The following ROBO2 variants were observed in gnomAD, a reference collection of about 807,000 sequenced individuals.
ROBO2 encodes roundabout guidance receptor 2, also known as roundabout homolog 2.
Under a neutral mutation model 160.8 loss-of-function variants are expected in ROBO2, and 53 were observed. The ratio of observed to expected loss-of-function variants is 0.33; its 90% CI spans 0.26 to 0.41. The LOEUF (loss-of-function observed/expected upper bound fraction) is 0.41, where lower values mean the gene tolerates loss of function less well. Among genes scored for constraint, ROBO2 ranks in the 10% least tolerant of loss-of-function variants. The pLI is 1.00. For missense variants in ROBO2, 1,577 were observed against 1,722.4 expected, an observed-to-expected ratio of 0.92 and a Z score of 1.49; for synonymous variants, 664 against 611.7, an observed-to-expected ratio of 1.09 and a Z score of -1.26.
At chr3:76,751,854 C>G (rs998944716) in intron 2 of ROBO2, among the ~76,000 whole-genome samples, 3 of 152,120 alleles carry the variant, frequency 2.0e-5, no homozygotes, top group Non-Finnish European at 4.4e-5. Flanking sequence ...GGACTGTAAA[C>G]TAGTTCAACC....
At chr3:77,199,273 T>TA (rs2082595096) in intron 2 of ROBO2, among the ~76,000 whole-genome samples, 1 of 152,230 alleles carries the variant, frequency 6.6e-6, no homozygotes, top group South Asian at 2.1e-4. Context: ...TTGGAGTTTT[T>TA]ATCTAACAAG....
chr3:76,211,169 T>C (rs1703122825), intron 2 of ROBO2, among the ~76,000 whole-genome samples: 1 of 152,096 alleles, frequency 6.6e-6, no homozygotes, highest in East Asian at 1.9e-4. Context: ...TATAAAGCGC[T>C]TCAGGAGCCA....
chr3:77,647,627 T>C (rs2095421211), exon 26 of ROBO2: 3 of 152,146 alleles, frequency 2.0e-5, no homozygotes, highest in Admixed American at 6.5e-5. Flanking sequence ...ACTGTACATG[T>C]ATAGTCAGTC....
intron 2 of ROBO2, among the ~76,000 whole-genome samples, chr3:76,632,532 A>T (rs2090088684): frequency 6.6e-6 from 1 of 152,230 alleles, no homozygotes; most frequent in Non-Finnish European, 1.5e-5. Context: ...TAAAGTCATT[A>T]AATTTGTAAA....
At chr3:77,405,420 AT>A (rs1416094614) in intron 2 of ROBO2, among the ~76,000 whole-genome samples, 1 of 152,114 alleles carries the variant, frequency 6.6e-6, no homozygotes, top group African/African-American at 2.4e-5. Flanking sequence ...TAAAAATATC[AT>A]AGTACCATTC....
intron 2 of ROBO2, among the ~76,000 whole-genome samples, chr3:76,521,312 G>A (rs546213897): frequency 6.6e-6 from 1 of 152,096 alleles, no homozygotes; most frequent in Admixed American, 6.6e-5. Flanking sequence ...GCCTCCCAAA[G>A]TGCTGGGATT....
intron 2 of ROBO2, among the ~76,000 whole-genome samples, chr3:77,179,889 C>G (rs2080540402): frequency 6.6e-6 from 1 of 152,060 alleles, no homozygotes; most frequent in African/African-American, 2.4e-5. Context: ...GAGATAGTTT[C>G]ATGAACAGGA....
chr3:76,893,207 C>T (rs1170341634), intron 2 of ROBO2, among the ~76,000 whole-genome samples: 2 of 152,004 alleles, frequency 1.3e-5, no homozygotes, highest in Non-Finnish European at 2.9e-5. Context: ...GCCAGACACA[C>T]ACACACATAC....
At chr3:77,473,377 C>T (rs923630668) in intron 2 of ROBO2, among the ~76,000 whole-genome samples, 12 of 150,258 alleles carry the variant, frequency 8.0e-5, no homozygotes, top group African/African-American at 2.7e-4. Context: ...ACAGCTGCGG[C>T]ATTCACCCGT....
At chr3:76,090,138 AGGAACACTAC>A (rs1458432416) in intron 2 of ROBO2, among the ~76,000 whole-genome samples, 13 of 152,188 alleles carry the variant, frequency 8.5e-5, no homozygotes, top group African/African-American at 2.7e-4. Context: ...AATCTATGTA[AGGAACACTAC>A]GAAACTCTCA....
intron 2 of ROBO2, among the ~76,000 whole-genome samples, chr3:76,661,728 G>C (rs1257747476): frequency 6.6e-6 from 1 of 152,110 alleles, no homozygotes; most frequent in African/African-American, 2.4e-5. Flanking sequence ...TTGTTATGCA[G>C]ATGAAGCCTC....
At chr3:77,546,947 T>C (rs1455994565) in intron 7 of ROBO2, among the ~76,000 whole-genome samples, 2 of 152,078 alleles carry the variant, frequency 1.3e-5, no homozygotes, top group African/African-American at 4.8e-5. Context: ...TAAAGCATGC[T>C]TCCATTTAAG....
chr3:76,759,548 C>T (rs1451768551), intron 2 of ROBO2, among the ~76,000 whole-genome samples: 3 of 151,488 alleles, frequency 2.0e-5, no homozygotes, highest in South Asian at 2.1e-4. Flanking sequence ...GTTGGATCTC[C>T]GGAAAAGTGA....
chr3:76,619,827 A>G (rs1358763212), intron 2 of ROBO2, among the ~76,000 whole-genome samples: 2 of 152,174 alleles, frequency 1.3e-5, no homozygotes, highest in African/African-American at 4.8e-5. Context: ...TTGAGCTTTC[A>G]GTGGCTATTT....
intron 1 of ROBO2, among the ~76,000 whole-genome samples, chr3:75,929,172 CGTGTGTGTGTGTGTGTGTGTGTGTGT>C (rs35861088): frequency 8.8e-6 from 1 of 113,604 alleles, no homozygotes; most frequent in Non-Finnish European, 1.7e-5. Flanking sequence ...CTGGATAAGA[CGTGTGTGTGTGTGTGTGTGTGTGTGT>C]GTGTGTGTGT....
chr3:76,090,166 T>C (rs2069172139), intron 2 of ROBO2, among the ~76,000 whole-genome samples: 1 of 152,184 alleles, frequency 6.6e-6, no homozygotes, highest in South Asian at 2.1e-4. Flanking sequence ...TCATGAAAGA[T>C]ATCAAAAAGC....
At chr3:76,961,380 G>T (rs115729651) in intron 2 of ROBO2, among the ~76,000 whole-genome samples, 72 of 150,296 alleles carry the variant, frequency 4.8e-4, no homozygotes, top group African/African-American at 1.6e-3. Context: ...TTTCAGAGAG[G>T]GTTCACAGAA....
At chr3:76,840,612 A>G (rs1189183632) in intron 2 of ROBO2, among the ~76,000 whole-genome samples, 1 of 140,576 alleles carries the variant, frequency 7.1e-6, no homozygotes, top group African/African-American at 2.6e-5. Context: ...TCTGTCTCAA[A>G]AAAAAAAATT....
intron 2 of ROBO2, among the ~76,000 whole-genome samples, chr3:76,979,068 A>T (rs1474859423): frequency 6.6e-6 from 1 of 151,896 alleles, no homozygotes; most frequent in Non-Finnish European, 1.5e-5. Context: ...TCAGCTTCCC[A>T]AGCAGCTGGG....
Sources: allele counts gnomAD v4.1 joint callset (sites outside exome capture counted in the v4.1 genomes callset), GRCh38; gene constraint gnomAD v4.1.1; transcripts MANE v1.5; gene names NCBI Gene and HGNC (gene_info 2026-07-23, HGNC 2026-07-21).